The following CD300LD variants were observed in gnomAD, a reference collection of about 807,000 sequenced individuals.
The protein encoded by CD300LD is CMRF35-like molecule 5.
A neutral mutation model predicts 20.3 loss-of-function variants in CD300LD; 18 were observed. That is an observed-to-expected ratio of 0.89 (90% CI 0.61 to 1.32). The LOEUF is 1.32. Among genes scored for constraint, CD300LD ranks in the 40% most tolerant of loss-of-function variants. CD300LD has a pLI of 0.00. For missense variants in CD300LD, 195 were observed against 226.6 expected (o/e 0.86, Z 0.90); for synonymous variants, 104 against 90.1 (o/e 1.15, Z -0.87).
intron 1 of CD300LD, among the ~76,000 whole-genome samples, chr17:74,590,318 G>A (rs2030278083): frequency 6.6e-6 from 1 of 152,060 alleles, no homozygotes; most frequent in Admixed American, 6.5e-5. Flanking sequence ...CTTTTTCTGT[G>A]TAATTTACTC....
At chr17:74,592,077 A>G in intron 1 of CD300LD, 86 bp downstream of exon 1, 1 of 1,612,762 alleles carries the variant, frequency 6.2e-7, no homozygotes, top group South Asian at 1.1e-5. Flanking sequence ...ATTTTCCCTG[A>G]CATGTCTCCT....
In CD300LD at chr17:74,579,882, C is replaced by G; in HGVS notation, c.*120G>C. ...CCTGGGTGACAGAGCAAGACTCTAT[C>G]TCTAGAAAGAAAAAAAGAAGAGAAA... is the stretch of plus-strand genomic sequence containing the variant. On this transcript the variant is annotated 3_prime_UTR_variant, in exon 4 of 4. Coordinates refer to ENST00000375352, the MANE Select transcript of CD300LD (RefSeq NM_001115152.2). 1 of 593,656 alleles carries G rather than the reference C, an allele frequency of 1.7e-6. No individual in the cohort carries two copies. The allele number at this position is 593,656 out of a possible 1,614,324, so 36.8% of individuals were successfully genotyped here.
chr17:74,581,054 C>T, intron 3 of CD300LD, among the ~76,000 whole-genome samples: 1 of 151,946 alleles, frequency 6.6e-6, no homozygotes, highest in East Asian at 1.9e-4. Flanking sequence ...CCCCAAAGGT[C>T]CTTCCCAGCA....
Position 74,579,722 on chromosome 17 carries a change from A to C in CD300LD, c.*280T>G, listed in dbSNP as rs2029991142. 5 of 219,522 alleles carry C rather than the reference A, an allele frequency of 2.3e-5. No individual in the cohort carries two copies. The South Asian group carries it at 3.5e-4, about 15-fold the overall frequency. 13.6% of individuals were successfully genotyped at this position (219,522 alleles called of 1,614,324 possible). A position where few individuals can be genotyped will look rare whatever the true frequency, so the allele number is the denominator to read the frequency against. On this transcript the variant is annotated 3_prime_UTR_variant, in exon 4 of 4. Transcript: ENST00000375352. ...AACGTGGTGGAAGCCCATCTCTACA[A>C]AAAAATTTAAAAATTAGCTGGGGGT...
downstream of CD300LD, among the ~76,000 whole-genome samples, chr17:74,578,705 G>A (rs1001157815): frequency 6.6e-6 from 1 of 152,164 alleles, no homozygotes; most frequent in African/African-American, 2.4e-5. Flanking sequence ...GTGAATAAGG[G>A]TCTCACCTGG....
At chr17:74,588,482 G>T (rs553248708) in intron 2 of CD300LD, 29 bp downstream of exon 2, 3 of 1,457,186 alleles carry the variant, frequency 2.1e-6, no homozygotes, top group South Asian at 1.2e-5. Context: ...GGACCTGAGA[G>T]ACACACACGT....
chr17:74,580,991 G>A (rs1322983907), intron 3 of CD300LD, among the ~76,000 whole-genome samples: 1 of 151,914 alleles, frequency 6.6e-6, no homozygotes, highest in Non-Finnish European at 1.5e-5. Flanking sequence ...GGGACTGAGG[G>A]TATTTGGGGG....
At chr17:74,582,972 T>C (rs1278063644) in intron 2 of CD300LD, among the ~76,000 whole-genome samples, 1 of 152,202 alleles carries the variant, frequency 6.6e-6, no homozygotes, top group Non-Finnish European at 1.5e-5. Context: ...CAGCATCATA[T>C]TTGTCTTTTT....
In CD300LD at chr17:74,582,303, T is replaced by C. The variant is rs767779838; in HGVS notation, c.388A>G (p.Thr130Ala). ...GTGGTTGTCCATTCTGAGACTGCAG[T>C]TTGTGTGCCTAAACATACAAAGCAG... Reference protein sequence around the residue: ...VQVTINPGTQTAVSEWTTTTA... With the variant: ...VQVTINPGTQAAVSEWTTTTA... The change falls in exon 3 of 4, where the codon ACT becomes GCT. Residue 130 changes from threonine (T) to alanine (A), a missense_variant. Coordinates refer to ENST00000375352, the MANE Select transcript of CD300LD (RefSeq NM_001115152.2). 1.9e-5 allele frequency: 31 copies of C among 1,613,484 alleles called. No homozygotes were observed. The highest frequency in any genetic ancestry group is 3.3e-4 in the Middle Eastern group (2 of 6,082).
intron 3 of CD300LD, 38 bp from the exon 4 acceptor site, chr17:74,580,151 G>A: frequency 7.3e-7 from 1 of 1,367,762 alleles, no homozygotes; most frequent in Admixed American, 1.9e-5. Context: ...GCTGCCTCCT[G>A]GGTCAGAGGT....
chr17:74,591,946 C>G, intron 1 of CD300LD: 1 of 1,344,018 alleles, frequency 7.4e-7, no homozygotes, highest in South Asian at 1.4e-5. Flanking sequence ...CAACAAGAAG[C>G]TATACTTGTT....
chr17:74,590,895 T>G (rs2030294872), intron 1 of CD300LD: 1 of 151,818 alleles, frequency 6.6e-6, no homozygotes, highest in Non-Finnish European at 1.5e-5. Flanking sequence ...CCTGGCAACA[T>G]AGCGAGACTA....
intron 2 of CD300LD, among the ~76,000 whole-genome samples, chr17:74,586,311 C>G (rs1188703930): frequency 6.6e-6 from 1 of 152,066 alleles, no homozygotes; most frequent in African/African-American, 2.4e-5. Flanking sequence ...AGGAGCAAAT[C>G]CTAAAATGGG....
chr17:74,579,200 G>C (rs1040523571), downstream of CD300LD, among the ~76,000 whole-genome samples: 1 of 152,180 alleles, frequency 6.6e-6, no homozygotes, highest in Admixed American at 6.5e-5. Context: ...GCTCTCTTCT[G>C]TACTCATCTT....
At chr17:74,592,087 T>C in intron 1 of CD300LD, 76 bp downstream of exon 1, 1 of 1,613,434 alleles carries the variant, frequency 6.2e-7, no homozygotes, top group Non-Finnish European at 8.5e-7. Context: ...ACATGTCTCC[T>C]TCCTGAGAAC....
At chr17:74,590,418 C>T (rs1026465396) in intron 1 of CD300LD, 4 of 152,028 alleles carry the variant, frequency 2.6e-5, no homozygotes, top group African/African-American at 9.7e-5. Context: ...ATGGCATCTA[C>T]CTCTATGTTA....
intron 2 of CD300LD, among the ~76,000 whole-genome samples, chr17:74,585,208 A>G (rs1017996751): frequency 6.6e-6 from 1 of 152,220 alleles, no homozygotes; most frequent in Middle Eastern, 3.2e-3. Context: ...TGATGTAGAA[A>G]TTTGGGACAG....
intron 3 of CD300LD, among the ~76,000 whole-genome samples, 166 bp downstream of exon 3, chr17:74,582,052 A>G (rs1377840206): frequency 6.6e-6 from 1 of 152,254 alleles, no homozygotes; most frequent in African/African-American, 2.4e-5. Flanking sequence ...TAGTATAAGT[A>G]TAGCCCATGA....
intron 1 of CD300LD, among the ~76,000 whole-genome samples, chr17:74,591,743 C>T (rs989290288): frequency 1.4e-5 from 2 of 146,410 alleles, no homozygotes; most frequent in African/African-American, 5.1e-5. Context: ...TGTGCTACAA[C>T]ACAAAGTAAC....
Sources: allele counts gnomAD v4.1 joint callset (sites outside exome capture counted in the v4.1 genomes callset), GRCh38; gene constraint gnomAD v4.1.1; transcripts MANE v1.5; gene names NCBI Gene and HGNC (gene_info 2026-07-23, HGNC 2026-07-21).